LYPD6B: variants seen among roughly 807,000 people sequenced by gnomAD.
The protein encoded by LYPD6B is LY6/PLAUR domain containing 6B, also known as ly6/PLAUR domain-containing protein 6B.
In LYPD6B, 17 loss-of-function variants were observed where a neutral mutation model predicts 22.8. That is an observed-to-expected ratio of 0.75 (90% confidence interval 0.51 to 1.12). The LOEUF (loss-of-function observed/expected upper bound fraction) is 1.12. Ranked by LOEUF, LYPD6B falls within the 50% of genes most tolerant of loss-of-function variation. LYPD6B has a pLI of 0.00. For missense variants in LYPD6B, 221 were observed against 258.3 expected (o/e 0.86, Z 0.99); for synonymous variants, 106 against 91.6 (o/e 1.16, Z -0.90).
chr2:149,079,166 CG>C (rs962084964), intron 1 of LYPD6B, among the ~76,000 whole-genome samples: 1 of 151,372 alleles, frequency 6.6e-6, no homozygotes, highest in African/African-American at 2.4e-5. Flanking sequence ...TCTGTGAGGG[CG>C]GGGCTGGTGT....
intron 1 of LYPD6B, among the ~76,000 whole-genome samples, chr2:149,047,150 A>G (rs1428326840): frequency 2.6e-5 from 4 of 152,172 alleles, no homozygotes; most frequent in Non-Finnish European, 5.9e-5. Flanking sequence ...TATCATTTCC[A>G]TCATTGTTTT....
intron 3 of LYPD6B, among the ~76,000 whole-genome samples, chr2:149,197,917 G>A (rs1247183496): frequency 6.6e-6 from 1 of 152,184 alleles, no homozygotes; most frequent in Non-Finnish European, 1.5e-5. Context: ...ACTCTCAAAT[G>A]TGATCAACGC....
chr2:149,118,662 A>C (rs1312332879), intron 1 of LYPD6B, among the ~76,000 whole-genome samples: 2 of 152,232 alleles, frequency 1.3e-5, no homozygotes, highest in African/African-American at 4.8e-5. Flanking sequence ...AGTGCTTGCT[A>C]TGTGCCAGAT....
At chr2:149,175,023 ATC>A (rs142556922) in intron 3 of LYPD6B, among the ~76,000 whole-genome samples, 1,663 of 125,510 alleles carry the variant, frequency 0.013, 9 homozygotes, top group African/African-American at 0.021. Context: ...AATCTCTTTA[ATC>A]TCTCTCTCTC....
At chr2:149,175,023 A>ATC (rs142556922) in intron 3 of LYPD6B, among the ~76,000 whole-genome samples, 6,426 of 125,726 alleles carry the variant, frequency 0.051, 478 homozygotes, top group African/African-American at 0.15. Context: ...AATCTCTTTA[A>ATC]TCTCTCTCTC....
chr2:149,049,862 G>T (rs1396977792), intron 1 of LYPD6B, among the ~76,000 whole-genome samples: 2 of 152,138 alleles, frequency 1.3e-5, no homozygotes, highest in Non-Finnish European at 1.5e-5. Flanking sequence ...GGGATGGGGA[G>T]GATTCAGAGG....
At chr2:149,131,944 G>A (rs1289260848) in intron 2 of LYPD6B, among the ~76,000 whole-genome samples, 3 of 152,116 alleles carry the variant, frequency 2.0e-5, no homozygotes, top group Non-Finnish European at 4.4e-5. Flanking sequence ...GCACTCTCAG[G>A]TGATCATTTT....
intron 2 of LYPD6B, among the ~76,000 whole-genome samples, chr2:149,135,618 G>C (rs576482941): frequency 6.6e-6 from 1 of 150,438 alleles, no homozygotes; most frequent in Admixed American, 6.7e-5. Flanking sequence ...TACTCAGGAG[G>C]CTGAGGCAGG....
intron 1 of LYPD6B, among the ~76,000 whole-genome samples, chr2:149,122,562 C>T (rs1351494013): frequency 9.2e-6 from 1 of 108,588 alleles, no homozygotes; most frequent in African/African-American, 3.5e-5. Flanking sequence ...AATGCTATCC[C>T]TCCCCCCTCC....
At chr2:149,041,624 T>C (rs1384417041) in intron 1 of LYPD6B, among the ~76,000 whole-genome samples, 1 of 152,066 alleles carries the variant, frequency 6.6e-6, no homozygotes, top group Non-Finnish European at 1.5e-5. Flanking sequence ...GGCTGTTAGG[T>C]AGGCAACAAA....
chr2:149,134,124 A>C (rs1688202340), intron 2 of LYPD6B, among the ~76,000 whole-genome samples: 1 of 152,156 alleles, frequency 6.6e-6, no homozygotes, highest in African/African-American at 2.4e-5. Context: ...CGTACAGCGG[A>C]GACCTGAAGA....
In LYPD6B at chr2:149,045,146, T is replaced by G. The variant is rs546091038; in HGVS notation, c.-67+6345T>G. Among the ~76,000 whole-genome samples, 51 of 152,196 alleles carry G rather than the reference T, an allele frequency of 3.4e-4. 1 individual carries two copies. Among genetic ancestry groups the G allele is most frequent in the African/African-American group, 1.2e-3 (49 of 41,582 alleles). The stretch of plus-strand genomic sequence containing the variant: ...TTATCTATTTCTTCTTGATAAGTTT[T>G]GTTAGTTTCTATCTTTCAAAGATTC... On this transcript the variant is annotated intron_variant, in intron 1 of 6. Transcript: ENST00000409642.
intron 1 of LYPD6B, chr2:149,068,483 C>A: frequency 5.2e-6 from 1 of 190,898 alleles, no homozygotes. Flanking sequence ...ATTTTATTGT[C>A]ACGCAGATGG....
chr2:149,202,735 T>C (rs1209733137), intron 3 of LYPD6B, among the ~76,000 whole-genome samples: 1 of 152,200 alleles, frequency 6.6e-6, no homozygotes, highest in Non-Finnish European at 1.5e-5. Flanking sequence ...AATGAATGAA[T>C]GGGCTTTTGT....
chr2:149,103,759 CGTT>C (rs1558999334), intron 1 of LYPD6B, among the ~76,000 whole-genome samples: 2 of 143,282 alleles, frequency 1.4e-5, no homozygotes, highest in African/African-American at 5.2e-5. Flanking sequence ...TGTTCATACA[CGTT>C]GTGCATATCT....
intron 3 of LYPD6B, among the ~76,000 whole-genome samples, chr2:149,171,946 C>T (rs1392828483): frequency 6.8e-6 from 1 of 148,134 alleles, no homozygotes; most frequent in Non-Finnish European, 1.5e-5. Context: ...CTGGTTTCTA[C>T]CCTCTGCCCT....
chr2:149,210,385 G>A (rs1388613586), intron 5 of LYPD6B, among the ~76,000 whole-genome samples: 2 of 151,958 alleles, frequency 1.3e-5, no homozygotes, highest in Non-Finnish European at 2.9e-5. Context: ...GGCTCAATAC[G>A]GAATGGCCCT....
chr2:149,061,123 A>G (rs753277713), intron 1 of LYPD6B, among the ~76,000 whole-genome samples: 10 of 152,010 alleles, frequency 6.6e-5, no homozygotes, highest in Non-Finnish European at 1.2e-4. Flanking sequence ...TACTTAATGG[A>G]AAGCTTGGAG....
At chr2:149,073,823 T>C (rs1401209742) in intron 1 of LYPD6B, among the ~76,000 whole-genome samples, 1 of 151,872 alleles carries the variant, frequency 6.6e-6, no homozygotes, top group Non-Finnish European at 1.5e-5. Flanking sequence ...CCCATGTTGC[T>C]GATCCTCTGA....
Sources: gnomAD v4.1 joint callset for allele counts (sites outside exome capture counted in the v4.1 genomes callset) on GRCh38, gnomAD v4.1.1 for gene constraint, MANE v1.5 for transcripts, NCBI Gene and HGNC (gene_info 2026-07-23, HGNC 2026-07-21) for gene names.